ERRFI1: variants seen among roughly 807,000 people sequenced by gnomAD.
ERRFI1 encodes mitogen-inducible gene 6 protein.
ERRFI1 carries 12 observed loss-of-function variants against 14.6 expected under a neutral mutation model. The observed-to-expected ratio is 0.82, with a 90% CI of 0.53 to 1.33. The LOEUF is 1.33. ERRFI1 is among the 40% of genes most tolerant of loss of function. The pLI is 0.00. For synonymous variants in ERRFI1, 202 were observed against 209.9 expected, an observed-to-expected ratio of 0.96 and a Z score of 0.32; for missense variants, 482 against 572.1, an observed-to-expected ratio of 0.84 and a Z score of 1.61.
intron 1 of ERRFI1, among the ~76,000 whole-genome samples, chr1:8,025,429 G>A (rs1641330691): frequency 6.6e-6 from 1 of 152,176 alleles, no homozygotes; most frequent in Non-Finnish European, 1.5e-5. Flanking sequence ...TCAGAGCAAA[G>A]AATCACGTTT....
chr1:8,011,979 T>C lies in ERRFI1; in HGVS notation c.*1231A>G. ...AGAGAACATTGCAGTAATGTACCTC[T>C]GTTAGTGAGCACCTTCTCTTCTGTG... On this transcript the variant is annotated 3_prime_UTR_variant, in exon 4 of 4. Coordinates refer to ENST00000377482, the MANE Select transcript of ERRFI1 (RefSeq NM_018948.4). 4.4e-6 allele frequency: 1 copy of C among 229,088 alleles called. No homozygotes were observed. The highest frequency in any genetic ancestry group is 8.7e-6 in the Non-Finnish European group (1 of 115,108). The allele number at this position is 229,088 out of a possible 1,614,324, so 14.2% of individuals were successfully genotyped here. A position where few individuals can be genotyped will look rare whatever the true frequency, so the allele number is the denominator to read the frequency against.
At chr1:8,021,088 G>A (rs1481985696) in intron 1 of ERRFI1, among the ~76,000 whole-genome samples, 2 of 152,172 alleles carry the variant, frequency 1.3e-5, no homozygotes, top group African/African-American at 2.4e-5. Flanking sequence ...TGGCAAAGAT[G>A]AACATTTGTG....
In ERRFI1 at chr1:8,012,655, C is replaced by A; in HGVS notation, c.*555G>T. 1 of 229,450 alleles carries A rather than the reference C, an allele frequency of 4.4e-6. No individual in the cohort carries two copies. Among genetic ancestry groups the A allele is most frequent in the African/African-American group, 2.2e-5 (1 of 45,168 alleles). The allele number at this position is 229,450 out of a possible 1,614,324, so 14.2% of individuals were successfully genotyped here. A position where few individuals can be genotyped will look rare whatever the true frequency, so the allele number is the denominator to read the frequency against. On this transcript the variant is annotated 3_prime_UTR_variant, in exon 4 of 4. Coordinates refer to ENST00000377482, the MANE Select transcript of ERRFI1 (RefSeq NM_018948.4). Reference sequence around the variant, plus strand: ...TACACCCATGGTAAAGAATGGATACCCTGCCCTCCATGGAAAAGATTGCCT... The same window carrying A: ...TACACCCATGGTAAAGAATGGATACACTGCCCTCCATGGAAAAGATTGCCT...
intron 1 of ERRFI1, among the ~76,000 whole-genome samples, chr1:8,024,371 T>G (rs972955900): frequency 6.6e-6 from 1 of 152,186 alleles, no homozygotes; most frequent in Admixed American, 6.5e-5. Flanking sequence ...ATTCAGGCAT[T>G]TCATAACAGC....
chr1:8,013,578 A>T lies in ERRFI1; in HGVS notation c.1021T>A (p.Tyr341Asn). 6.2e-7 allele frequency: 1 copy of T among 1,614,130 alleles called. No homozygotes were observed. Among genetic ancestry groups the T allele is most frequent in the Non-Finnish European group, 8.5e-7 (1 of 1,180,026 alleles). ...RTPSPKSLPS[Y>N]LNGVMPPTQS... ...GTCGGGGGCATGACCCCATTGAGGT[A>T]AGACGGAAGGCTTTTGGGACTCGGT... Residue 341 changes from tyrosine (Y) to asparagine (N), a missense_variant, in exon 4 of 4, where the codon TAC (tyrosine) becomes AAC (asparagine). Transcript: ENST00000377482. The surrounding 1 kb of genome is among the most constrained non-coding windows in gnomAD (Gnocchi z 4.3).
rs955987458 is a variant in ERRFI1 at position 8,012,715 on chromosome 1, A to G, written c.*495T>C. On this transcript the variant is annotated 3_prime_UTR_variant, in exon 4 of 4. Coordinates refer to ENST00000377482, the MANE Select transcript of ERRFI1 (RefSeq NM_018948.4). ...AATGGAACAAAATAGAAAAGGCCTAAAAGCCAGAAATCTTCAAACTTACTA... is the reference window on the plus strand; with the variant it reads ...AATGGAACAAAATAGAAAAGGCCTAGAAGCCAGAAATCTTCAAACTTACTA... 4.3e-6 allele frequency: 1 copy of G among 231,094 alleles called. No homozygotes were observed. Among genetic ancestry groups the G allele is most frequent in the African/African-American group, 2.2e-5 (1 of 45,184 alleles). The allele number at this position is 231,094 out of a possible 1,614,324, so 14.3% of individuals were successfully genotyped here.
intron 3 of ERRFI1, 190 bp from the exon 4 acceptor site, chr1:8,014,586 T>G: frequency 1.7e-6 from 1 of 583,734 alleles, no homozygotes; most frequent in East Asian, 2.9e-5. Flanking sequence ...TTAACGCACA[T>G]GGTGTGGTTC....
In ERRFI1 at chr1:8,016,006, T is replaced by G. The variant is rs544540908; in HGVS notation, c.-73-314A>C. Among the ~76,000 whole-genome samples the G allele has an allele frequency of 4.6e-5, 7 of 152,294 alleles. No individual in the cohort carries two copies. The East Asian group carries it at 1.3e-3, about 29-fold the overall frequency. ...ACAACAAATCACACTCACTTGGCAA[T>G]GCACACAGACCCTCCCCTGACTTAT... On this transcript the variant is annotated intron_variant, in intron 1 of 3. Transcript: ENST00000377482.
Position 8,014,305 on chromosome 1 carries a change from G to A in ERRFI1, c.294C>T (p.Pro98=), listed in dbSNP as rs577061971. 6.2e-7 allele frequency: 1 copy of A among 1,613,882 alleles called. No homozygotes were observed. The highest frequency in any genetic ancestry group is 1.7e-5 in the Admixed American group (1 of 60,010). The change falls in exon 4 of 4, where the codon CCC becomes CCT. Residue 98 remains proline (P), a synonymous_variant. Coordinates refer to ENST00000377482, the MANE Select transcript of ERRFI1 (RefSeq NM_018948.4). ...CATGTGGTCCCAAGTTTTCACTTGG[G>A]GGAATAAGAAGAGGGGGCAAGCTGG... ...QKSSLPPLLI[P]PSENLGPHEE... is the part of the protein sequence containing the mutation.
At chr1:8,022,212 C>T (rs1348911949) in intron 1 of ERRFI1, among the ~76,000 whole-genome samples, 2 of 152,176 alleles carry the variant, frequency 1.3e-5, no homozygotes, top group African/African-American at 2.4e-5. Flanking sequence ...GGATGCCCCA[C>T]CACAACAGAA....
chr1:8,022,314 A>G (rs759774508), intron 1 of ERRFI1, among the ~76,000 whole-genome samples: 2 of 152,232 alleles, frequency 1.3e-5, no homozygotes, highest in Non-Finnish European at 2.9e-5. Flanking sequence ...TCCTTTTAAC[A>G]TGCTTTCACA....
intron 1 of ERRFI1, among the ~76,000 whole-genome samples, chr1:8,025,492 T>C (rs532971406): frequency 1.3e-5 from 2 of 152,248 alleles, no homozygotes; most frequent in South Asian, 4.1e-4. Flanking sequence ...TAAATACTGA[T>C]TTCGGCATTA....
At position 8,012,904 on chromosome 1, in the gene ERRFI1, A is replaced by G. The variant is rs1330083696; in HGVS notation, c.*306T>C. The G allele has an allele frequency of 5.7e-6, 2 of 352,904 alleles. No individual in the cohort carries two copies. The highest frequency in any genetic ancestry group is 4.4e-5 in the East Asian group (1 of 22,740). 21.9% of individuals were successfully genotyped at this position (352,904 alleles called of 1,614,324 possible). ...ATTGGTTAACCTGCAGCTATGGTCT[A>G]TGGTTATACCACAAGTTTATATATA... On this transcript the variant is annotated 3_prime_UTR_variant, in exon 4 of 4. Transcript: ENST00000377482.
chr1:8,013,901 G>C lies in ERRFI1; in HGVS notation c.698C>G (p.Pro233Arg). 6.2e-7 allele frequency: 1 copy of C among 1,614,068 alleles called. No homozygotes were observed. The highest frequency in any genetic ancestry group is 1.3e-5 in the African/African-American group (1 of 75,030). ...CTGAGGTGGAGGAGGATTTGGATCT[G>C]GGACACCTCCATTTTGGTCAGACAC... ...SYVSDQNGGV[P>R]DPNPPPPQTH... is the part of the protein sequence containing the mutation. Residue 233 changes from proline to arginine, a missense_variant, in exon 4 of 4, where the codon CCA becomes CGA. Pro to Arg is a moderately radical substitution (Grantham distance 103). Transcript: ENST00000377482. This position sits in a 1 kb window ranked among gnomAD's most constrained non-coding sequence, Gnocchi z 4.3.
chr1:8,013,620 G>A lies in ERRFI1; in HGVS notation c.979C>T (p.Pro327Ser), dbSNP rs2124056999. 1 of 1,614,132 alleles carries A rather than the reference G, an allele frequency of 6.2e-7. No homozygotes were observed. ...PKVPPREPLS[P>S]SNSRTPSPKS... ...GGACTCGGTGTGCGCGAGTTACTCG[G>A]TGACAAAGGTTCTCTTGGCGGTACT... is the stretch of plus-strand genomic sequence containing the variant. Residue 327 changes from proline (P) to serine (S), a missense_variant, in exon 4 of 4, where the codon CCG (proline) becomes TCG (serine). Pro to Ser is a moderately conservative substitution (Grantham distance 74, BLOSUM62 -1). Transcript: ENST00000377482. The surrounding 1 kb of genome is among the most constrained non-coding windows in gnomAD (Gnocchi z 4.3).
intron 1 of ERRFI1, among the ~76,000 whole-genome samples, chr1:8,022,575 T>A (rs1376102277): frequency 6.6e-6 from 1 of 152,246 alleles, no homozygotes; most frequent in Admixed American, 6.5e-5. Context: ...TTCTGTACTA[T>A]AATCCAGCAT....
At position 8,013,721 on chromosome 1, in the gene ERRFI1, G is replaced by C; in HGVS notation, c.878C>G (p.Pro293Arg). 1 of 1,614,108 alleles carries C rather than the reference G, an allele frequency of 6.2e-7. No individual in the cohort carries two copies. Residue 293 changes from proline (P) to arginine (R), a missense_variant, in exon 4 of 4, where the codon CCA becomes CGA. Pro to Arg is a moderately radical substitution (Grantham distance 103). Transcript: ENST00000377482. The surrounding 1 kb of genome is among the most constrained non-coding windows in gnomAD (Gnocchi z 4.3). ...VPPRVPIPPR[P>R]VKPDYRRWSA... ...CCATCTTCTATAATCTGGCTTTACT[G>C]GTCTAGGAGGTATGGGAACTCTGGG...
intron 1 of ERRFI1, among the ~76,000 whole-genome samples, chr1:8,022,537 G>C (rs1007044035): frequency 6.6e-6 from 1 of 152,170 alleles, no homozygotes; most frequent in African/African-American, 2.4e-5. Context: ...TAAATATCTT[G>C]CTATAAGCAA....
At chr1:8,023,762 CTAAT>C (rs1280066062) in intron 1 of ERRFI1, among the ~76,000 whole-genome samples, 2 of 152,204 alleles carry the variant, frequency 1.3e-5, no homozygotes, top group Non-Finnish European at 2.9e-5. Context: ...TATCTTAAAA[CTAAT>C]TGTTAAGGTA....
Sources: allele counts gnomAD v4.1 joint callset (sites outside exome capture counted in the v4.1 genomes callset), GRCh38; gene constraint gnomAD v4.1.1; non-coding constraint Gnocchi (gnomAD v3.1); transcripts MANE v1.5; gene names NCBI Gene and HGNC (gene_info 2026-07-23, HGNC 2026-07-21).